Variants in TCOF1 observed in about 807,000 individuals in gnomAD.
The protein encoded by TCOF1 is treacle ribosome biogenesis factor 1, also known as treacle protein.
Under a neutral mutation model 149.0 loss-of-function variants are expected in TCOF1, and 33 were observed. The ratio of observed to expected loss-of-function variants is 0.22; its 90% CI spans 0.17 to 0.30. The LOEUF (loss-of-function observed/expected upper bound fraction) is 0.30. TCOF1 is among the 10% of genes least tolerant of loss of function. TCOF1 has a pLI of 1.00. For synonymous variants in TCOF1, 789 were observed against 738.8 expected (o/e 1.07, Z -1.10); for missense variants, 1,728 against 1,840.7 (o/e 0.94, Z 1.12).
intron 22 of TCOF1, 120 bp downstream of exon 22, chr5:150,392,910 G>A: frequency 8.0e-7 from 1 of 1,243,490 alleles, no homozygotes. Flanking sequence ...CAGAGGCCTT[G>A]GGCAAGGTCC....
chr5:150,400,172 C>T lies in TCOF1; in HGVS notation c.*385C>T, dbSNP rs201653891. ...GCTAGGCCTGACCTGTGCCTCATCC[C>T]GTGCCGCTCGGTCTCTGGCTGATCC... On this transcript the variant is annotated 3_prime_UTR_variant, in exon 27 of 27. Coordinates refer to ENST00000643257, the MANE Select transcript of TCOF1 (RefSeq NM_001371623.1). 4.6e-5 allele frequency: 7 copies of T among 152,162 alleles called. No homozygotes were observed. Among genetic ancestry groups the T allele is most frequent in the Non-Finnish European group, 4.4e-5 (3 of 68,024 alleles). 9.4% of individuals were successfully genotyped at this position (152,162 alleles called of 1,614,324 possible).
At chr5:150,383,997 A>C in intron 17 of TCOF1, 1 of 1,381,090 alleles carries the variant, frequency 7.2e-7, no homozygotes, top group African/African-American at 1.5e-5. Context: ...CTCTAGCCCC[A>C]AGCTCCCAGA....
intron 14 of TCOF1, among the ~76,000 whole-genome samples, chr5:150,377,738 C>A (rs1764151358): frequency 6.6e-6 from 1 of 152,164 alleles, no homozygotes; most frequent in African/African-American, 2.4e-5. Context: ...AGACCCAATG[C>A]CTTACAGAGT....
rs922709906 is a variant in TCOF1 at position 150,398,341 on chromosome 5, T to C, written c.4346-13T>C. On this transcript the variant is annotated splice_polypyrimidine_tract_variant and intron_variant, in intron 24 of 26. Coordinates refer to ENST00000643257, the MANE Select transcript of TCOF1 (RefSeq NM_001371623.1). ...CCATCTGTTGTTCAGGAACTTTACT[T>C]TACTTCCCTTAGGAAAAAAAGACAA... 1.4e-5 allele frequency: 23 copies of C among 1,613,098 alleles called. No homozygotes were observed. Among genetic ancestry groups the C allele is most frequent in the Non-Finnish European group, 1.8e-5 (21 of 1,179,892 alleles).
intron 6 of TCOF1, among the ~76,000 whole-genome samples, chr5:150,370,699 G>A (rs1440529842): frequency 1.3e-5 from 2 of 152,210 alleles, no homozygotes; most frequent in African/African-American, 4.8e-5. Context: ...AGGCACGGTG[G>A]CTCGCACCTG....
intron 21 of TCOF1, 139 bp from the exon 22 acceptor site, chr5:150,392,563 CAGT>C: frequency 1.3e-6 from 1 of 763,646 alleles, no homozygotes; most frequent in Non-Finnish European, 2.2e-6. Flanking sequence ...AGTGTTGAAG[CAGT>C]AGGAAGACTT....
chr5:150,360,510 G>C lies in TCOF1; in HGVS notation c.109-646G>C, dbSNP rs180929773. Among the ~76,000 whole-genome samples the C allele has an allele frequency of 1.5e-3, 231 of 152,302 alleles. 3 individuals carry two copies. The highest frequency in any genetic ancestry group is 5.4e-3 in the African/African-American group (225 of 41,570). Reference sequence around the variant, plus strand: ...CACGTCTTTGAAAGCTTTTTTAAAGGTCAAAGGTGGGGAAAACCCTGTCTC... The same window carrying C: ...CACGTCTTTGAAAGCTTTTTTAAAGCTCAAAGGTGGGGAAAACCCTGTCTC... On this transcript the variant is annotated intron_variant, in intron 1 of 26. Coordinates refer to ENST00000643257, the MANE Select transcript of TCOF1 (RefSeq NM_001371623.1).
rs1432881277 is a variant in TCOF1 at position 150,384,777 on chromosome 5, T to A, written c.2860-3125T>A. The A allele has an allele frequency of 6.1e-6, 6 of 985,352 alleles. No homozygotes were observed. The African/African-American group carries it at 1.0e-4, about 17-fold the overall frequency. The allele number at this position is 985,352 out of a possible 1,614,324, so 61.0% of individuals were successfully genotyped here. On this transcript the variant is annotated intron_variant, in intron 17 of 26. Coordinates refer to ENST00000643257, the MANE Select transcript of TCOF1 (RefSeq NM_001371623.1). ...GGGGAAGCTGCAGCCTCTTCCTGATTGAGAGATTTTTAGTTCCTAATCCCC... is the reference window on the plus strand; with the variant it reads ...GGGGAAGCTGCAGCCTCTTCCTGATAGAGAGATTTTTAGTTCCTAATCCCC...
chr5:150,379,216 C>A lies in TCOF1; in HGVS notation c.2479-13C>A, dbSNP rs756901735. 1.7e-5 allele frequency: 27 copies of A among 1,614,072 alleles called. No homozygotes were observed. In the South Asian group the frequency reaches 3.0e-4, roughly 18 times the overall value. On this transcript the variant is annotated splice_polypyrimidine_tract_variant and intron_variant, in intron 15 of 26. Coordinates refer to ENST00000643257, the MANE Select transcript of TCOF1 (RefSeq NM_001371623.1). ...ACTTTTGCCTCCAATACTATTATCC[C>A]CCTGCAATTCAGGTGAAGCCACCAG...
intron 6 of TCOF1, among the ~76,000 whole-genome samples, chr5:150,371,092 G>C (rs1452891780): frequency 6.6e-6 from 1 of 152,214 alleles, no homozygotes. Flanking sequence ...GAGGCTGGGG[G>C]CTGGGAGACC....
At position 150,375,454 on chromosome 5, in the gene TCOF1, C is replaced by T; in HGVS notation, c.1604C>T (p.Ser535Leu). ...PPGKVGPATPSAQVGKWEEDS... is the reference protein window; with the variant it reads ...PPGKVGPATPLAQVGKWEEDS... The stretch of plus-strand genomic sequence containing the variant: ...GGGAAGGTGGGGCCTGCAACCCCCT[C>T]AGCCCAGGTGGGGAAGTGGGAGGAG... Residue 535 changes from serine to leucine, a missense_variant, in exon 11 of 27, where the codon TCA becomes TTA. This residue lies in a region of TCOF1 where 1,696 missense variants were observed against 1,765.4 expected (regional missense o/e 0.96). Coordinates refer to ENST00000643257, the MANE Select transcript of TCOF1 (RefSeq NM_001371623.1). The T allele has an allele frequency of 6.2e-7, 1 of 1,611,582 alleles. No individual in the cohort carries two copies. The highest frequency in any genetic ancestry group is 8.5e-7 in the Non-Finnish European group (1 of 1,179,006).
At chr5:150,377,015 A>G (rs965564098) in intron 14 of TCOF1, among the ~76,000 whole-genome samples, 1 of 152,230 alleles carries the variant, frequency 6.6e-6, no homozygotes, top group Non-Finnish European at 1.5e-5. Context: ...GCTGCGCAGC[A>G]TGACAGGTGA....
In TCOF1 at chr5:150,361,253, C is replaced by G. The variant is rs760053775; in HGVS notation, c.164+42C>G. Reference sequence around the variant, plus strand: ...ATAGGGTGGAGTAGGGACGGACACCCCAAGCAACTCAGCTTGGAATAAGCT... The same window carrying G: ...ATAGGGTGGAGTAGGGACGGACACCGCAAGCAACTCAGCTTGGAATAAGCT... On this transcript the variant is annotated intron_variant, in intron 2 of 26. Coordinates refer to ENST00000643257, the MANE Select transcript of TCOF1 (RefSeq NM_001371623.1). The G allele has an allele frequency of 1.9e-6, 3 of 1,610,122 alleles. No individual in the cohort carries two copies. In the Admixed American group the frequency reaches 5.0e-5, roughly 27 times the overall value.
At chr5:150,367,771 G>A (rs1437191893) in intron 3 of TCOF1, 73 bp from the exon 4 acceptor site, 1 of 1,558,066 alleles carries the variant, frequency 6.4e-7, no homozygotes, top group African/African-American at 1.4e-5. Context: ...TGTTAGGTGA[G>A]ATGAAACCTG....
At chr5:150,394,967 GGA>G (rs1340745827) in intron 23 of TCOF1, 24 of 151,824 alleles carry the variant, frequency 1.6e-4, no homozygotes, top group African/African-American at 5.8e-4. Context: ...TAGGCTCTGG[GGA>G]GAGAGGTTTC....
At chr5:150,386,346 C>G (rs1280058268) in intron 17 of TCOF1, among the ~76,000 whole-genome samples, 1 of 152,208 alleles carries the variant, frequency 6.6e-6, no homozygotes, top group African/African-American at 2.4e-5. Flanking sequence ...TATAGATCCC[C>G]CCTCCCTCAA....
At position 150,379,413 on chromosome 5, in the gene TCOF1, G is replaced by A. The variant is rs756677941; in HGVS notation, c.2658+5G>A. The A allele has an allele frequency of 1.2e-6, 2 of 1,613,880 alleles. No individual in the cohort carries two copies. The highest frequency in any genetic ancestry group is 2.2e-5 in the South Asian group (2 of 91,066). On this transcript the variant is annotated splice_donor_5th_base_variant and intron_variant, in intron 16 of 26. Coordinates refer to ENST00000643257, the MANE Select transcript of TCOF1 (RefSeq NM_001371623.1). ...GAGGCGGAGACGCTGGCTCAGGTGA[G>A]GGGGAGGGAATGGAGATCATCCCCT...
At chr5:150,372,756 T>TAA (rs924470899) in intron 7 of TCOF1, among the ~76,000 whole-genome samples, 18 of 152,250 alleles carry the variant, frequency 1.2e-4, no homozygotes, top group African/African-American at 4.3e-4. Context: ...ATGCAGTAGA[T>TAA]AAGCAGATCC....
In TCOF1 at chr5:150,387,993, C is replaced by T. The variant is rs768022660; in HGVS notation, c.2951C>T (p.Pro984Leu). ...GCACAAGCCCAGGCTGCAAGCACCC[C>T]GAGGAAGGCCCGAGCCTCGGAGAGC... The part of the protein sequence containing the change: ...TPAQAQAAST[P>L]RKARASESTA... Residue 984 changes from proline (P) to leucine (L), a missense_variant, in exon 18 of 27, where the codon CCG becomes CTG. Coordinates refer to ENST00000643257, the MANE Select transcript of TCOF1 (RefSeq NM_001371623.1). 16 of 1,613,754 alleles carry T rather than the reference C, an allele frequency of 9.9e-6. No individual in the cohort carries two copies. The South Asian group carries it at 1.1e-4, about 11-fold the overall frequency.
Sources: gnomAD v4.1 joint callset for allele counts (sites outside exome capture counted in the v4.1 genomes callset) on GRCh38, gnomAD v4.1.1 for gene constraint, gnomAD v4.1.1 regional missense constraint, MANE v1.5 for transcripts, NCBI Gene and HGNC (gene_info 2026-07-23, HGNC 2026-07-21) for gene names.